TMEM177: variants seen among roughly 807,000 people sequenced by gnomAD.
TMEM177 encodes transmembrane protein 177.
TMEM177 carries 4 observed loss-of-function variants against 14.2 expected under a neutral mutation model. The ratio of observed to expected loss-of-function variants is 0.28; its 90% CI spans 0.14 to 0.64. TMEM177 has a LOEUF of 0.64. TMEM177 is among the 30% of genes least tolerant of loss of function. TMEM177 has a pLI of 0.82. For synonymous variants in TMEM177, 179 were observed against 174.5 expected (o/e 1.03, Z -0.20); for missense variants, 344 against 405.2 (o/e 0.85, Z 1.30).
At chr2:119,698,489 C>G in the TMEM177 span, 1 of 152,206 alleles carries the variant, frequency 6.6e-6, no homozygotes, top group Non-Finnish European at 1.5e-5. Context: ...CCTGGCTGAA[C>G]AACAGGAGGT....
chr2:119,703,133 T>C, the TMEM177 span, among the ~76,000 whole-genome samples: 1 of 152,224 alleles, frequency 6.6e-6, no homozygotes. Context: ...ACTAGCCTGC[T>C]AGGGAGTGGC....
the TMEM177 span, among the ~76,000 whole-genome samples, chr2:119,720,326 G>A: frequency 6.6e-6 from 1 of 151,636 alleles, no homozygotes; most frequent in Non-Finnish European, 1.5e-5. Flanking sequence ...CCAGGCTGGA[G>A]TACAATGGCG....
At position 119,681,833 on chromosome 2, in the gene TMEM177, C is replaced by CT. The variant is rs762650810; in HGVS notation, c.*45dup. ...ACTTCCAGCTTGTGCAGACACCACCCTGCCATTGAGTCTGGAGGGCCCTGT... is the reference window on the plus strand; with the variant it reads ...ACTTCCAGCTTGTGCAGACACCACCCTTGCCATTGAGTCTGGAGGGCCCTGT... On this transcript the variant is annotated 3_prime_UTR_variant, in exon 2 of 2. Coordinates refer to ENST00000272521, the MANE Select transcript of TMEM177 (RefSeq NM_030577.3). 3 of 1,568,386 alleles carry CT rather than the reference C, an allele frequency of 1.9e-6. No individual in the cohort carries two copies. Among genetic ancestry groups the CT allele is most frequent in the Admixed American group, 3.4e-5 (2 of 58,446 alleles).
downstream of TMEM177, among the ~76,000 whole-genome samples, chr2:119,685,392 C>T (rs530072438): frequency 2.0e-5 from 3 of 152,190 alleles, no homozygotes; most frequent in South Asian, 2.1e-4. Flanking sequence ...TGCAAGGTTC[C>T]ACTCAGCCTT....
At chr2:119,700,464 C>A in the TMEM177 span, among the ~76,000 whole-genome samples, 1 of 152,160 alleles carries the variant, frequency 6.6e-6, no homozygotes, top group Non-Finnish European at 1.5e-5. Flanking sequence ...CTCCATACGC[C>A]AAACAGGTAC....
At chr2:119,719,051 A>G in the TMEM177 span, among the ~76,000 whole-genome samples, 1 of 152,146 alleles carries the variant, frequency 6.6e-6, no homozygotes, top group African/African-American at 2.4e-5. Context: ...TGGGCCGTGG[A>G]CCACACTTTG....
chr2:119,722,903 C>T, the TMEM177 span, among the ~76,000 whole-genome samples: 1 of 152,206 alleles, frequency 6.6e-6, no homozygotes, highest in Non-Finnish European at 1.5e-5. Flanking sequence ...GATTATGCAA[C>T]TGTGTGGCCC....
the TMEM177 span, chr2:119,699,896 C>G: frequency 2.2e-6 from 1 of 452,244 alleles, no homozygotes; most frequent in South Asian, 1.7e-5. Context: ...CTTAAAAATG[C>G]AGAGAGCAAT....
At chr2:119,686,594 TTC>T (rs1327831676), downstream of TMEM177, 3 of 152,162 alleles carry the variant, frequency 2.0e-5, no homozygotes, top group Non-Finnish European at 2.9e-5. Context: ...TTCTTTTTCT[TTC>T]TCTCTCTTTC....
At position 119,681,799 on chromosome 2, in the gene TMEM177, C is replaced by A; in HGVS notation, c.*10C>A. ...TCCGGGCCGCTCCTGATGGGCTCATCACAAGGACACTTCCAGCTTGTGCAG... is the reference window on the plus strand; with the variant it reads ...TCCGGGCCGCTCCTGATGGGCTCATAACAAGGACACTTCCAGCTTGTGCAG... On this transcript the variant is annotated 3_prime_UTR_variant, in exon 2 of 2. Coordinates refer to ENST00000272521, the MANE Select transcript of TMEM177 (RefSeq NM_030577.3). The A allele has an allele frequency of 6.2e-7, 1 of 1,605,746 alleles. No individual in the cohort carries two copies. The highest frequency in any genetic ancestry group is 8.5e-7 in the Non-Finnish European group (1 of 1,174,806).
the TMEM177 span, among the ~76,000 whole-genome samples, chr2:119,708,458 ACTTCCTTATGGC>A: frequency 6.6e-6 from 1 of 152,138 alleles, no homozygotes; most frequent in Non-Finnish European, 1.5e-5. Flanking sequence ...CATGAGCAAA[ACTTCCTTATGGC>A]CATCAAATAT....
chr2:119,700,794 T>A, the TMEM177 span, among the ~76,000 whole-genome samples: 1 of 152,192 alleles, frequency 6.6e-6, no homozygotes, highest in Non-Finnish European at 1.5e-5. Context: ...CAGATTTCTG[T>A]CCTAGGAGAT....
Position 119,681,749 on chromosome 2 carries a change from T to G in TMEM177, c.896T>G (p.Leu299Arg). ...TACACCACCCGCCGGGACTCTGTGC[T>G]GCAGATGTGGAGGGGGATGCTCAAT... is the stretch of plus-strand genomic sequence containing the variant. ...LPYTTRRDSV[L>R]QMWRGMLNPG... Residue 299 changes from leucine (L) to arginine (R), a missense_variant, in exon 2 of 2, where the codon CTG becomes CGG. Coordinates refer to ENST00000272521, the MANE Select transcript of TMEM177 (RefSeq NM_030577.3). 6.2e-7 allele frequency: 1 copy of G among 1,614,138 alleles called. No homozygotes were observed. The highest frequency in any genetic ancestry group is 8.5e-7 in the Non-Finnish European group (1 of 1,180,026).
At chr2:119,687,979 G>A (rs1461807328), downstream of TMEM177, among the ~76,000 whole-genome samples, 3 of 152,148 alleles carry the variant, frequency 2.0e-5, no homozygotes, top group Admixed American at 1.3e-4. Flanking sequence ...TCCTAGGGCT[G>A]TAACCCCATA....
the TMEM177 span, among the ~76,000 whole-genome samples, chr2:119,718,868 G>A: frequency 2.6e-5 from 4 of 152,258 alleles, 1 homozygote; most frequent in East Asian, 5.8e-4. Flanking sequence ...GGAAAGCCCC[G>A]ATGTTTCCTA....
At chr2:119,709,832 TAAAC>T in the TMEM177 span, among the ~76,000 whole-genome samples, 5 of 151,698 alleles carry the variant, frequency 3.3e-5, no homozygotes, top group African/African-American at 1.2e-4. Flanking sequence ...CTCAAATAAA[TAAAC>T]AAATAAATAA....
downstream of TMEM177, among the ~76,000 whole-genome samples, chr2:119,683,406 GT>G (rs1688950523): frequency 6.6e-6 from 1 of 152,202 alleles, no homozygotes; most frequent in African/African-American, 2.4e-5. Flanking sequence ...GCCCCTTGGG[GT>G]GTCACCCACC....
the TMEM177 span, among the ~76,000 whole-genome samples, chr2:119,693,987 C>T: frequency 3.1e-4 from 1 of 3,268 alleles, no homozygotes; most frequent in African/African-American, 1.3e-3. Context: ...ATACCACATA[C>T]ACCACACACC....
At chr2:119,694,538 C>T in the TMEM177 span, among the ~76,000 whole-genome samples, 1 of 152,246 alleles carries the variant, frequency 6.6e-6, no homozygotes, top group Non-Finnish European at 1.5e-5. Flanking sequence ...CGGGCTCTGC[C>T]CTGGACCCTG....
Sources: allele counts gnomAD v4.1 joint callset (sites outside exome capture counted in the v4.1 genomes callset), GRCh38; gene constraint gnomAD v4.1.1; transcripts MANE v1.5; gene names NCBI Gene and HGNC (gene_info 2026-07-23, HGNC 2026-07-21).